TMEM200A: variants seen among roughly 807,000 people sequenced by gnomAD.
TMEM200A encodes the protein two transmembrane C.
In TMEM200A, 12 loss-of-function variants were observed where a neutral mutation model predicts 24.3. The ratio of observed to expected loss-of-function variants is 0.49; its 90% CI spans 0.32 to 0.80. The LOEUF (loss-of-function observed/expected upper bound fraction) is 0.80, where lower values mean the gene tolerates loss of function less well. Ranked by LOEUF, TMEM200A falls within the 30% of genes least tolerant of loss-of-function variation. The pLI is 0.04. For synonymous variants in TMEM200A, 224 were observed against 224.4 expected, an observed-to-expected ratio of 1.00 and a Z score of 0.02; for missense variants, 545 against 614.4, an observed-to-expected ratio of 0.89 and a Z score of 1.19.
chr6:130,406,508 G>T (rs1025783125), intron 2 of TMEM200A, among the ~76,000 whole-genome samples: 1 of 152,066 alleles, frequency 6.6e-6, no homozygotes, highest in Non-Finnish European at 1.5e-5. Flanking sequence ...TCTGAAACTA[G>T]CTCTTCCACT....
chr6:130,412,198 T>G (rs530829239), intron 2 of TMEM200A, among the ~76,000 whole-genome samples: 5 of 149,000 alleles, frequency 3.4e-5, no homozygotes, highest in Admixed American at 2.6e-4. Context: ...GATTTTTTTT[T>G]TTTTTCTTTT....
intron 2 of TMEM200A, among the ~76,000 whole-genome samples, chr6:130,392,531 G>A (rs541064949): frequency 2.0e-5 from 3 of 152,198 alleles, no homozygotes; most frequent in Non-Finnish European, 2.9e-5. Context: ...TTCCGCCTCC[G>A]GTTTCACTGT....
chr6:130,436,472 T>G (rs2115226851), intron 2 of TMEM200A, among the ~76,000 whole-genome samples: 1 of 145,168 alleles, frequency 6.9e-6, no homozygotes, highest in East Asian at 2.0e-4. Flanking sequence ...GCATGTAGCT[T>G]TGCAGCATTG....
chr6:130,411,372 A>C (rs1303175568), intron 2 of TMEM200A, among the ~76,000 whole-genome samples: 1 of 152,180 alleles, frequency 6.6e-6, no homozygotes, highest in Non-Finnish European at 1.5e-5. Context: ...AAACACTTGA[A>C]AGTAACTTGC....
In TMEM200A at chr6:130,366,115, C is replaced by G. The variant is rs1366866738; in HGVS notation, c.-490C>G. 4.1e-6 allele frequency: 4 copies of G among 985,404 alleles called. No homozygotes were observed. The East Asian group carries it at 4.5e-4, about 112-fold the overall frequency. The allele number at this position is 985,404 out of a possible 1,614,324, so 61.0% of individuals were successfully genotyped here. ...GCCGCCTGAGCGGCGACTCCCTCTCCCCTGCCCGGCTTGCTGCGCCCGGTG... is the reference window on the plus strand; with the variant it reads ...GCCGCCTGAGCGGCGACTCCCTCTCGCCTGCCCGGCTTGCTGCGCCCGGTG... On this transcript the variant is annotated 5_prime_UTR_variant, in exon 1 of 3. Coordinates refer to ENST00000296978, the MANE Select transcript of TMEM200A (RefSeq NM_001258277.2). This position sits in a 1 kb window ranked among gnomAD's most constrained non-coding sequence, Gnocchi z 4.4.
At position 130,441,186 on chromosome 6, in the gene TMEM200A, T is replaced by G. The variant is rs774110645; in HGVS notation, c.764T>G (p.Phe255Cys). 1 of 1,614,116 alleles carries G rather than the reference T, an allele frequency of 6.2e-7. No individual in the cohort carries two copies. The highest frequency in any genetic ancestry group is 2.2e-5 in the East Asian group (1 of 44,872). Residue 255 changes from phenylalanine to cysteine, a missense_variant, in exon 3 of 3, where the codon TTT becomes TGT. By Grantham distance (205) the Phe-to-Cys change is radical (BLOSUM62 -2). Coordinates refer to ENST00000296978, the MANE Select transcript of TMEM200A (RefSeq NM_001258277.2). ...PLLSDSSVSVFGLYPPPSKTT... is the reference protein window; with the variant it reads ...PLLSDSSVSVCGLYPPPSKTT... ...CTCTCTGACAGCTCTGTGTCTGTCT[T>G]TGGCCTCTATCCACCTCCTTCCAAG... is the stretch of plus-strand genomic sequence containing the variant.
intron 2 of TMEM200A, among the ~76,000 whole-genome samples, chr6:130,417,359 T>C (rs1429761032): frequency 1.3e-5 from 2 of 152,180 alleles, no homozygotes; most frequent in African/African-American, 4.8e-5. Context: ...TTATGAAAAT[T>C]TGAGCACAAA....
In TMEM200A at chr6:130,441,113, C is replaced by T. The variant is rs72994182; in HGVS notation, c.691C>T (p.Leu231Phe). The T allele has an allele frequency of 2.4e-4, 381 of 1,614,046 alleles. No homozygotes were observed. The highest frequency in any genetic ancestry group is 3.1e-4 in the Non-Finnish European group (364 of 1,180,000). ...RMDSSVEEDE[L>F]MLNEGKSSGH... is the part of the protein sequence containing the mutation. Reference sequence around the variant, plus strand: ...GGACAGCTCCGTGGAGGAGGATGAACTTATGTTAAATGAAGGTAAGAGTTC... The same window carrying T: ...GGACAGCTCCGTGGAGGAGGATGAATTTATGTTAAATGAAGGTAAGAGTTC... Residue 231 changes from leucine (L) to phenylalanine (F), a missense_variant, in exon 3 of 3, where the codon CTT becomes TTT. Coordinates refer to ENST00000296978, the MANE Select transcript of TMEM200A (RefSeq NM_001258277.2).
At chr6:130,400,376 A>AT (rs1268763091) in intron 2 of TMEM200A, among the ~76,000 whole-genome samples, 1 of 151,820 alleles carries the variant, frequency 6.6e-6, no homozygotes, top group Non-Finnish European at 1.5e-5. Flanking sequence ...GCAGTGTAGA[A>AT]TTGTTCCCTG....
In TMEM200A at chr6:130,431,317, C is replaced by T. The variant is rs151046931; in HGVS notation, c.-16-9090C>T. Reference sequence around the variant, plus strand: ...TGTAAGTGAAGTTACTATATGTTTTCCAGCAGTGGAGGGGTCTCTATAAAA... The same window carrying T: ...TGTAAGTGAAGTTACTATATGTTTTTCAGCAGTGGAGGGGTCTCTATAAAA... On this transcript the variant is annotated intron_variant, in intron 2 of 2. Transcript: ENST00000296978. Among the ~76,000 whole-genome samples the T allele has an allele frequency of 2.0e-3, 298 of 152,248 alleles. 1 individual carries two copies. The highest frequency in any genetic ancestry group is 6.5e-3 in the African/African-American group (269 of 41,542).
At chr6:130,367,652 A>C (rs1325528276) in intron 1 of TMEM200A, among the ~76,000 whole-genome samples, 1 of 152,228 alleles carries the variant, frequency 6.6e-6, no homozygotes, top group Non-Finnish European at 1.5e-5. Flanking sequence ...GTTTACCTAC[A>C]CAGAAGTATG....
At chr6:130,391,513 GCT>G (rs1473887434) in intron 2 of TMEM200A, among the ~76,000 whole-genome samples, 1 of 151,788 alleles carries the variant, frequency 6.6e-6, no homozygotes, top group Non-Finnish European at 1.5e-5. Context: ...TCTCTCTCCC[GCT>G]CTCTCTTAAA....
At chr6:130,405,041 C>T (rs1341087231) in intron 2 of TMEM200A, among the ~76,000 whole-genome samples, 1 of 152,090 alleles carries the variant, frequency 6.6e-6, no homozygotes, top group Non-Finnish European at 1.5e-5. Context: ...CAGTACCATG[C>T]TGTTTTACTG....
At chr6:130,440,048 G>C (rs1169572957) in intron 2 of TMEM200A, among the ~76,000 whole-genome samples, 3 of 151,152 alleles carry the variant, frequency 2.0e-5, no homozygotes, top group African/African-American at 7.3e-5. Context: ...GTGTGAGAGA[G>C]AGAGAGAGAA....
In TMEM200A at chr6:130,366,203, G is replaced by C. The variant is rs1024279993; in HGVS notation, c.-402G>C. The C allele has an allele frequency of 6.1e-6, 6 of 985,032 alleles. No homozygotes were observed. In the African/African-American group the frequency reaches 8.7e-5, roughly 14 times the overall value. 61.0% of individuals were successfully genotyped at this position (985,032 alleles called of 1,614,324 possible). ...ATGGCGGCGGCCCTCTGTGAGCACC[G>C]GCAGCGGCGCATCCCCTGCCCCGAG... On this transcript the variant is annotated 5_prime_UTR_variant, in exon 1 of 3. Coordinates refer to ENST00000296978, the MANE Select transcript of TMEM200A (RefSeq NM_001258277.2). This position sits in a 1 kb window ranked among gnomAD's most constrained non-coding sequence, Gnocchi z 4.4.
At chr6:130,401,087 C>A (rs1400063592) in intron 2 of TMEM200A, among the ~76,000 whole-genome samples, 1 of 151,992 alleles carries the variant, frequency 6.6e-6, no homozygotes, top group Non-Finnish European at 1.5e-5. Context: ...TTCATCAGAG[C>A]TCAGCTATGC....
chr6:130,433,319 G>A (rs2115216718), intron 2 of TMEM200A, among the ~76,000 whole-genome samples: 1 of 152,106 alleles, frequency 6.6e-6, no homozygotes, highest in South Asian at 2.1e-4. Flanking sequence ...TGTATCTTTA[G>A]TAGAGACAGG....
intron 2 of TMEM200A, among the ~76,000 whole-genome samples, chr6:130,417,521 A>ATTCT (rs1397397689): frequency 6.6e-6 from 1 of 152,170 alleles, no homozygotes; most frequent in East Asian, 1.9e-4. Flanking sequence ...AGTGGAAAGG[A>ATTCT]TTCTTTATGA....
chr6:130,381,341 G>A (rs999066939), intron 1 of TMEM200A, among the ~76,000 whole-genome samples: 1 of 152,186 alleles, frequency 6.6e-6, no homozygotes, highest in Non-Finnish European at 1.5e-5. Context: ...TGTATTTGAT[G>A]ATCCATCCTC....
Sources: allele counts gnomAD v4.1 joint callset (sites outside exome capture counted in the v4.1 genomes callset), GRCh38; gene constraint gnomAD v4.1.1; non-coding constraint Gnocchi (gnomAD v3.1); transcripts MANE v1.5; gene names NCBI Gene and HGNC (gene_info 2026-07-23, HGNC 2026-07-21).